NLRP4: variants seen among roughly 807,000 people sequenced by gnomAD.
The protein encoded by NLRP4 is NLR family pyrin domain containing 4.
A neutral mutation model predicts 84.7 loss-of-function variants in NLRP4; 44 were observed. The ratio of observed to expected loss-of-function variants is 0.52; its 90% confidence interval spans 0.41 to 0.67. The LOEUF (loss-of-function observed/expected upper bound fraction) is 0.67. NLRP4 is among the 30% of genes least tolerant of loss of function. The pLI, the probability that NLRP4 is intolerant of heterozygous loss-of-function variation, is 0.00. For missense variants in NLRP4, 1,260 were observed against 1,219.4 expected (o/e 1.03, Z -0.50); for synonymous variants, 544 against 476.4 (o/e 1.14, Z -1.85).
At chr19:55,880,799 C>T (rs1181673175) in intron 9 of NLRP4, among the ~76,000 whole-genome samples, 1 of 152,156 alleles carries the variant, frequency 6.6e-6, no homozygotes, top group Non-Finnish European at 1.5e-5. Flanking sequence ...ATCCAGACTA[C>T]CACTTTCTGG....
rs143135470 is a variant in NLRP4, at chr19:55,859,756, C to T, written c.1856+507C>T. Reference sequence around the variant, plus strand: ...TAGCCTGACCAACATGGTGACACCTCGTCTCCACTAAAAATACAAAAATTA... The same window carrying T: ...TAGCCTGACCAACATGGTGACACCTTGTCTCCACTAAAAATACAAAAATTA... On this transcript the variant is annotated intron_variant, in intron 3 of 9. Transcript: ENST00000301295. Among the ~76,000 whole-genome samples the T allele has an allele frequency of 6.1e-3, 921 of 151,316 alleles. 3 individuals are homozygous for T. Among genetic ancestry groups the T allele is most frequent in the Non-Finnish European group, 0.01 (686 of 67,832 alleles).
At chr19:55,850,001 TGTGATTTCCGAGA>T in intron 1 of NLRP4, among the ~76,000 whole-genome samples, 1 of 36,456 alleles carries the variant, frequency 2.7e-5, no homozygotes, top group African/African-American at 5.3e-5. Flanking sequence ...GAGACTGCGG[TGTGATTTCCGAGA>T]CTGCGGTGTG....
At chr19:55,874,074 C>T (rs1985283688) in intron 7 of NLRP4, among the ~76,000 whole-genome samples, 1 of 151,932 alleles carries the variant, frequency 6.6e-6, no homozygotes, top group South Asian at 2.1e-4. Flanking sequence ...CAGAAACCTG[C>T]AGGGTGGTTC....
intron 1 of NLRP4, among the ~76,000 whole-genome samples, chr19:55,841,110 ATC>A (rs1983597492): frequency 6.6e-6 from 1 of 152,210 alleles, no homozygotes; most frequent in African/African-American, 2.4e-5. Flanking sequence ...TAATTATCAT[ATC>A]TGTTTGTTTA....
intron 1 of NLRP4, among the ~76,000 whole-genome samples, chr19:55,848,740 C>T (rs1252667388): frequency 2.0e-5 from 3 of 152,266 alleles, no homozygotes; most frequent in South Asian, 2.1e-4. Context: ...ATGTACAACC[C>T]ACATGATACG....
intron 5 of NLRP4, among the ~76,000 whole-genome samples, chr19:55,864,462 A>G (rs1324397195): frequency 5.9e-5 from 9 of 151,662 alleles, no homozygotes; most frequent in Non-Finnish European, 1.0e-4. Context: ...TTGTTCTTCT[A>G]GTCCTCTAGT....
chr19:55,874,175 G>T (rs540004380), intron 7 of NLRP4, among the ~76,000 whole-genome samples: 1 of 152,106 alleles, frequency 6.6e-6, no homozygotes, highest in Non-Finnish European at 1.5e-5. Context: ...CATATTAAAA[G>T]TGATGTAATA....
At chr19:55,878,993 G>C (rs749370963) in intron 9 of NLRP4, 29 bp downstream of exon 9, 2 of 1,577,496 alleles carry the variant, frequency 1.3e-6, no homozygotes, top group Non-Finnish European at 1.7e-6. Context: ...TGCTCTATGG[G>C]CAGAGTGCTC....
chr19:55,873,087 A>G (rs977974304), intron 7 of NLRP4, among the ~76,000 whole-genome samples: 5 of 152,192 alleles, frequency 3.3e-5, no homozygotes, highest in Admixed American at 6.5e-5. Context: ...GGATAAAAAC[A>G]CATTTTCAAA....
At chr19:55,859,413 C>T (rs542943905) in intron 3 of NLRP4, among the ~76,000 whole-genome samples, 164 bp downstream of exon 3, 1 of 152,270 alleles carries the variant, frequency 6.6e-6, no homozygotes, top group Non-Finnish European at 1.5e-5. Flanking sequence ...AGCTCTTAGA[C>T]TTTGTCTGTG....
At chr19:55,847,716 CT>C (rs550137661) in intron 1 of NLRP4, among the ~76,000 whole-genome samples, 13,993 of 134,906 alleles carry the variant, frequency 0.1, 723 homozygotes, top group African/African-American at 0.2. Context: ...ACCTAATATC[CT>C]TTTTTTTTTT....
intron 7 of NLRP4, among the ~76,000 whole-genome samples, chr19:55,871,705 C>T (rs1985190492): frequency 6.6e-6 from 1 of 152,062 alleles, no homozygotes; most frequent in Non-Finnish European, 1.5e-5. Flanking sequence ...AATAACATAA[C>T]AAAAACACCA....
chr19:55,849,520 T>G (rs1983932811), intron 1 of NLRP4, among the ~76,000 whole-genome samples: 1 of 152,140 alleles, frequency 6.6e-6, no homozygotes, highest in African/African-American at 2.4e-5. Flanking sequence ...ACTTTCTGGA[T>G]TGTACACAGC....
intron 8 of NLRP4, among the ~76,000 whole-genome samples, chr19:55,878,505 A>AAGCCGTC (rs763711192): frequency 1.4e-5 from 1 of 71,974 alleles, no homozygotes; most frequent in Admixed American, 1.4e-4. Context: ...CTTTTTTTGG[A>AAGCCGTC]TAATATGTTA....
chr19:55,880,712 C>T (rs909562041), intron 9 of NLRP4, among the ~76,000 whole-genome samples: 5 of 152,098 alleles, frequency 3.3e-5, no homozygotes, highest in African/African-American at 1.2e-4. Flanking sequence ...GACCAAGACA[C>T]GGTGATACTT....
At chr19:55,851,765 C>G (rs1267957404) in intron 1 of NLRP4, among the ~76,000 whole-genome samples, 1 of 151,098 alleles carries the variant, frequency 6.6e-6, no homozygotes, top group Admixed American at 6.6e-5. Flanking sequence ...AATGTAAAGT[C>G]TATATTTGCC....
At chr19:55,880,985 A>T (rs2123076399) in intron 9 of NLRP4, among the ~76,000 whole-genome samples, 1 of 152,340 alleles carries the variant, frequency 6.6e-6, no homozygotes, top group South Asian at 2.1e-4. Flanking sequence ...AAAAAGTAAA[A>T]ATAGCTTCAG....
At chr19:55,881,410 C>T in intron 9 of NLRP4, 60 bp from the exon 10 acceptor site, 1 of 881,464 alleles carries the variant, frequency 1.1e-6, no homozygotes, top group South Asian at 1.5e-5. Context: ...GAAAGATGAG[C>T]TGCAGAAAAG....
chr19:55,878,999 T>C, intron 9 of NLRP4, 35 bp downstream of exon 9: 1 of 1,548,452 alleles, frequency 6.5e-7, no homozygotes, highest in Non-Finnish European at 8.8e-7. Flanking sequence ...ATGGGCAGAG[T>C]GCTCCGGGCT....
Sources: gnomAD v4.1 joint callset for allele counts (sites outside exome capture counted in the v4.1 genomes callset) on GRCh38, gnomAD v4.1.1 for gene constraint, MANE v1.5 for transcripts, NCBI Gene and HGNC (gene_info 2026-07-23, HGNC 2026-07-21) for gene names.